The following PEAR1 variants were observed in gnomAD, a reference collection of about 807,000 sequenced individuals.
PEAR1 encodes the protein multiple EGF-like domains protein 12.
In PEAR1, 113 loss-of-function variants were observed where a neutral mutation model predicts 131.2. That is an observed-to-expected ratio of 0.86 (90% confidence interval 0.74 to 1.01). The LOEUF (loss-of-function observed/expected upper bound fraction) is 1.01, where lower values mean the gene tolerates loss of function less well. Ranked by LOEUF, PEAR1 falls within the 50% of genes least tolerant of loss-of-function variation. The probability of loss-of-function intolerance (pLI) is 0.00; values close to 1 mark genes in which losing one functional copy is unlikely to be tolerated. For synonymous variants in PEAR1, 565 were observed against 523.3 expected (o/e 1.08, Z -1.09); for missense variants, 1,408 against 1,391.1 (o/e 1.01, Z -0.19).
intron 11 of PEAR1, 90 bp from the exon 12 acceptor site, chr1:156,909,661 G>T: frequency 4.3e-6 from 6 of 1,384,564 alleles, no homozygotes; most frequent in South Asian, 1.4e-5. Context: ...CCAGCTCATA[G>T]CATAGAATCT....
intron 4 of PEAR1, 60 bp from the exon 5 acceptor site, chr1:156,906,216 G>A: frequency 6.6e-7 from 1 of 1,514,478 alleles, no homozygotes; most frequent in Non-Finnish European, 9.2e-7. Context: ...AGGCTTTGCA[G>A]GATAAAAGCT....
Position 156,907,629 on chromosome 1 carries a change from C to G in PEAR1, c.664C>G (p.Gln222Glu), listed in dbSNP as rs767079008. The G allele has an allele frequency of 6.2e-7, 1 of 1,613,730 alleles. No homozygotes were observed. Among genetic ancestry groups the G allele is most frequent in the Non-Finnish European group, 8.5e-7 (1 of 1,179,758 alleles). ...TGPSCDVSCS[Q>E]GTSGFFCPST... ...CTGCAGCTGTGACGTGTCCTGTTCCCAGGGCACTTCTGGCTTCTTCTGCCC... is the reference window on the plus strand; with the variant it reads ...CTGCAGCTGTGACGTGTCCTGTTCCGAGGGCACTTCTGGCTTCTTCTGCCC... Residue 222 changes from glutamine (Q) to glutamate (E), a missense_variant, in exon 7 of 23, where the codon CAG becomes GAG. Coordinates refer to ENST00000292357, the MANE Select transcript of PEAR1 (RefSeq NM_001080471.3).
At position 156,907,783 on chromosome 1, in the gene PEAR1, T is replaced by C. The variant is rs906280957; in HGVS notation, c.765+53T>C. The C allele has an allele frequency of 5.8e-6, 9 of 1,560,976 alleles. No homozygotes were observed. In the African/African-American group the frequency reaches 7.2e-5, roughly 12 times the overall value. On this transcript the variant is annotated intron_variant, in intron 7 of 22. Coordinates refer to ENST00000292357, the MANE Select transcript of PEAR1 (RefSeq NM_001080471.3). Reference sequence around the variant, plus strand: ...GGGTGTGGGTCTGGGGAGAATTCTGTGGGTGGTGCTAAGCAGGGCTCCAAG... The same window carrying C: ...GGGTGTGGGTCTGGGGAGAATTCTGCGGGTGGTGCTAAGCAGGGCTCCAAG...
chr1:156,909,928 A>G lies in PEAR1; in HGVS notation c.1575+14A>G, dbSNP rs1271605792. On this transcript the variant is annotated intron_variant, in intron 12 of 22. Transcript: ENST00000292357. ...CTGCCCTGTCCGGTGAGTGCTGGAC[A>G]GCCTGTCTGCCTGGGGGTGGGGAGG... is the stretch of plus-strand genomic sequence containing the variant. 9.3e-6 allele frequency: 15 copies of G among 1,611,270 alleles called. No individual in the cohort carries two copies. Among genetic ancestry groups the G allele is most frequent in the African/African-American group, 1.3e-5 (1 of 74,922 alleles).
At chr1:156,906,247 A>C in intron 4 of PEAR1, 29 bp from the exon 5 acceptor site, 1 of 1,600,416 alleles carries the variant, frequency 6.2e-7, no homozygotes, top group South Asian at 1.1e-5. Flanking sequence ...AGGGGTGGAC[A>C]CATCTCACCA....
rs558114526 is a variant in PEAR1, at chr1:156,912,927, C to T, written c.2367C>T (p.His789=). 6.2e-7 allele frequency: 1 copy of T among 1,614,244 alleles called. No homozygotes were observed. Among genetic ancestry groups the T allele is most frequent in the Admixed American group, 1.7e-5 (1 of 60,032 alleles). Residue 789 remains histidine, a synonymous_variant, in exon 18 of 23, where the codon CAC becomes CAT. Coordinates refer to ENST00000292357, the MANE Select transcript of PEAR1 (RefSeq NM_001080471.3). ...GGCAAAAAGGCAAGGAGCACCACCA[C>T]CTGGCTGTGGCTTACAGCAGCGGGC... The part of the protein sequence containing the change: ...RHWQKGKEHH[H]LAVAYSSGRL...
intron 1 of PEAR1, among the ~76,000 whole-genome samples, chr1:156,903,502 C>T (rs539720356): frequency 2.6e-5 from 4 of 152,178 alleles, no homozygotes; most frequent in South Asian, 2.1e-4. Context: ...AGAGATGAAA[C>T]GCACTGGGTC....
rs4661072 is a variant in PEAR1 at position 156,893,825 on chromosome 1, G to T, written c.-22G>T. On this transcript the variant is annotated 5_prime_UTR_variant, in exon 1 of 23. Transcript: ENST00000292357. ...CTACCCCAGGCCGCAGGGGAGACGG[G>T]GCCCCAAGGCAGGTGAGTGACTGCG... is the stretch of plus-strand genomic sequence containing the variant. The T allele has an allele frequency of 0.84, 128,376 of 152,308 alleles. 54,318 individuals are homozygous for T. Among genetic ancestry groups the T allele is most frequent in the Middle Eastern group, 0.9 (265 of 296 alleles). 9.4% of individuals were successfully genotyped at this position (152,308 alleles called of 1,614,324 possible).
In PEAR1 at chr1:156,906,524, G is replaced by A. The variant is rs1010152168; in HGVS notation, c.401-113G>A. Reference sequence around the variant, plus strand: ...GCCATCTGCCTTTTCTGGAGATGTGGAAGACAGGGTGGGCCTGTGGGGGCT... The same window carrying A: ...GCCATCTGCCTTTTCTGGAGATGTGAAAGACAGGGTGGGCCTGTGGGGGCT... On this transcript the variant is annotated intron_variant, in intron 5 of 22. Transcript: ENST00000292357. The A allele has an allele frequency of 7.1e-6, 11 of 1,549,804 alleles. No individual in the cohort carries two copies. In the African/African-American group the frequency reaches 1.2e-4, roughly 17 times the overall value.
chr1:156,896,884 G>A (rs1057448499), intron 1 of PEAR1, among the ~76,000 whole-genome samples: 1 of 152,208 alleles, frequency 6.6e-6, no homozygotes, highest in Non-Finnish European at 1.5e-5. Flanking sequence ...GTCTGGAGCC[G>A]CCTTTTGCTT....
intron 19 of PEAR1, 26 bp from the exon 20 acceptor site, chr1:156,913,365 C>CT: frequency 6.2e-7 from 1 of 1,609,362 alleles, no homozygotes; most frequent in East Asian, 2.2e-5. Context: ...GCCTCTTGCT[C>CT]TCCCTCCTGC....
intron 15 of PEAR1, 64 bp from the exon 16 acceptor site, chr1:156,912,183 G>A: frequency 6.5e-7 from 1 of 1,548,242 alleles, no homozygotes; most frequent in Non-Finnish European, 8.7e-7. Context: ...TGATGCTGGG[G>A]GCTGAGAGTT....
rs746788312 is a variant in PEAR1 at position 156,910,308 on chromosome 1, G to C, written c.1753G>C (p.Gly585Arg). Reference protein sequence around the residue: ...NCSNTCTCKNGGTCLPENGNC... With the variant: ...NCSNTCTCKNRGTCLPENGNC... Reference sequence around the variant, plus strand: ...TAGCAACACCTGCACCTGCAAGAATGGGGGCACCTGTCTCCCTGAGAATGG... The same window carrying C: ...TAGCAACACCTGCACCTGCAAGAATCGGGGCACCTGTCTCCCTGAGAATGG... The change falls in exon 14 of 23, where the codon GGG (glycine) becomes CGG (arginine). Residue 585 changes from glycine (G) to arginine (R), a missense_variant. Transcript: ENST00000292357. 4.3e-6 allele frequency: 7 copies of C among 1,613,438 alleles called. No homozygotes were observed. The South Asian group carries it at 6.6e-5, about 15-fold the overall frequency.
chr1:156,913,284 T>A lies in PEAR1; in HGVS notation c.2511+2T>A. 1.2e-6 allele frequency: 2 copies of A among 1,603,420 alleles called. No homozygotes were observed. The highest frequency in any genetic ancestry group is 2.2e-5 in the South Asian group (2 of 88,966). ...CCAAACCCCCCACCCCCTAACAAGG[T>A]CAGTGCCGGGGGAGGGGGTGCACTG... is the stretch of plus-strand genomic sequence containing the variant. On this transcript the variant is annotated splice_donor_variant, in intron 19 of 22. Coordinates refer to ENST00000292357, the MANE Select transcript of PEAR1 (RefSeq NM_001080471.3). LOFTEE classifies it high-confidence loss of function.
At position 156,915,216 on chromosome 1, in the gene PEAR1, G is replaced by C. The variant is rs1651756040; in HGVS notation, c.*418G>C. The C allele has an allele frequency of 6.3e-6, 1 of 159,262 alleles. No homozygotes were observed. The highest frequency in any genetic ancestry group is 1.4e-5 in the Non-Finnish European group (1 of 73,214). The allele number at this position is 159,262 out of a possible 1,614,324, so 9.9% of individuals were successfully genotyped here. ...GCACTTACCATTTAGTAGGGAGATGGAACCAACCCAATTAACTCTAGCAAT... is the reference window on the plus strand; with the variant it reads ...GCACTTACCATTTAGTAGGGAGATGCAACCAACCCAATTAACTCTAGCAAT... On this transcript the variant is annotated 3_prime_UTR_variant, in exon 23 of 23. Transcript: ENST00000292357.
rs747567867 is a variant in PEAR1 at position 156,903,905 on chromosome 1, G to A, written c.-9-13G>A. 44 of 1,606,098 alleles carry A rather than the reference G, an allele frequency of 2.7e-5. No homozygotes were observed. Among genetic ancestry groups the A allele is most frequent in the Non-Finnish European group, 3.3e-5 (39 of 1,173,744 alleles). On this transcript the variant is annotated splice_polypyrimidine_tract_variant and intron_variant, in intron 1 of 22. Transcript: ENST00000292357. ...GCAGCGCCACTGCCCACTCTGCGCC[G>A]GTCTTGCTGCAGGCCTCTGCAATGT...
chr1:156,899,925 A>G (rs1377067285), intron 1 of PEAR1, among the ~76,000 whole-genome samples: 2 of 151,950 alleles, frequency 1.3e-5, no homozygotes, highest in Non-Finnish European at 2.9e-5. Flanking sequence ...CACTTCCGTC[A>G]CCCTTACTCT....
At chr1:156,914,536 C>T (rs1156256588) in intron 22 of PEAR1, 111 bp from the exon 23 acceptor site, 5 of 1,132,882 alleles carry the variant, frequency 4.4e-6, no homozygotes, top group South Asian at 1.6e-5. Context: ...GCCCCATCTG[C>T]TTCTCTTTGC....
intron 1 of PEAR1, among the ~76,000 whole-genome samples, chr1:156,894,832 C>T (rs367959579): frequency 2.6e-5 from 4 of 152,190 alleles, no homozygotes; most frequent in South Asian, 2.1e-4. Context: ...GGGCTCAGCT[C>T]GGGCAGGATT....
Sources: allele counts gnomAD v4.1 joint callset (sites outside exome capture counted in the v4.1 genomes callset), GRCh38; gene constraint gnomAD v4.1.1; transcripts MANE v1.5; gene names NCBI Gene and HGNC (gene_info 2026-07-23, HGNC 2026-07-21).